Variants in NEDD4 observed in about 807,000 individuals in gnomAD.
NEDD4 encodes the protein E3 ubiquitin-protein ligase NEDD4.
NEDD4 carries 99 observed loss-of-function variants against 144.9 expected under a neutral mutation model. The observed-to-expected ratio is 0.68, with a 90% CI of 0.58 to 0.81. NEDD4 has a LOEUF of 0.81. Among genes scored for constraint, NEDD4 ranks in the 30% least tolerant of loss-of-function variants. NEDD4 has a pLI of 0.00. For synonymous variants in NEDD4, 318 were observed against 350.6 expected (o/e 0.91, Z 1.04); for missense variants, 985 against 1,065.9 (o/e 0.92, Z 1.06).
chr15:55,853,900 A>G (rs1035378912), intron 12 of NEDD4, among the ~76,000 whole-genome samples: 4 of 152,184 alleles, frequency 2.6e-5, no homozygotes, highest in Non-Finnish European at 5.9e-5. Context: ...CTGAGACAGA[A>G]GAACTGCTTG....
At chr15:55,836,481 C>T (rs2033201678) in intron 24 of NEDD4, among the ~76,000 whole-genome samples, 1 of 152,148 alleles carries the variant, frequency 6.6e-6, no homozygotes, top group Admixed American at 6.6e-5. Context: ...ATCCTCCAGC[C>T]TCAGCCTCCC....
intron 1 of NEDD4, among the ~76,000 whole-genome samples, chr15:55,977,185 T>C (rs1158557172): frequency 6.6e-6 from 1 of 152,226 alleles, no homozygotes; most frequent in African/African-American, 2.4e-5. Context: ...TGCAGAATGA[T>C]ATTTTGGCCA....
intron 4 of NEDD4, among the ~76,000 whole-genome samples, chr15:55,931,241 A>G (rs543410426): frequency 7.9e-5 from 12 of 152,224 alleles, no homozygotes; most frequent in African/African-American, 2.9e-4. Flanking sequence ...TTGGAAATCA[A>G]CTTGGAACAT....
chr15:55,948,440 T>C (rs1391751531), intron 4 of NEDD4, among the ~76,000 whole-genome samples: 3 of 152,154 alleles, frequency 2.0e-5, no homozygotes, highest in African/African-American at 4.8e-5. Context: ...CTTCACAGAA[T>C]TGGAAAAAAC....
rs758821192 is a variant in NEDD4 at position 55,828,778 on chromosome 15, A to C, written c.*1119T>G. ...AATTAAAAACATTGTCTTCATAGTA[A>C]ACAGTATTTTAAAAGGCATAAGAAA... is the stretch of plus-strand genomic sequence containing the variant. On this transcript the variant is annotated 3_prime_UTR_variant, in exon 29 of 29. Coordinates refer to ENST00000435532, the MANE Select transcript of NEDD4 (RefSeq NM_006154.4). 2.0e-5 allele frequency: 3 copies of C among 152,644 alleles called. No individual in the cohort carries two copies. The highest frequency in any genetic ancestry group is 6.5e-5 in the Admixed American group (1 of 15,274). The allele number at this position is 152,644 out of a possible 1,614,324, so 9.5% of individuals were successfully genotyped here.
At position 55,852,410 on chromosome 15, in the gene NEDD4, A is replaced by G. The variant is rs780166457; in HGVS notation, c.1146+14T>C. ...AAATCCTGTAAGAAAGCAAGTTGAT[A>G]GATTACAGGATACCTGTACAGTGGG... On this transcript the variant is annotated intron_variant, in intron 13 of 28. Coordinates refer to ENST00000435532, the MANE Select transcript of NEDD4 (RefSeq NM_006154.4). 4 of 1,599,154 alleles carry G rather than the reference A, an allele frequency of 2.5e-6. No individual in the cohort carries two copies. In the African/African-American group the frequency reaches 4.0e-5, roughly 16 times the overall value.
At position 55,869,742 on chromosome 15, in the gene NEDD4, A is replaced by G. The variant is rs1234544363; in HGVS notation, c.405-61T>C. The G allele has an allele frequency of 1.4e-5, 16 of 1,131,570 alleles. No homozygotes were observed. The Admixed American group carries it at 1.4e-4, about 10-fold the overall frequency. The allele number at this position is 1,131,570 out of a possible 1,614,324, so 70.1% of individuals were successfully genotyped here. ...ACACCGGGAGAAAAGTATTCAATTA[A>G]TAAGAGTTTAATGAACACCCACTAG... On this transcript the variant is annotated intron_variant, in intron 7 of 28. Transcript: ENST00000435532.
At chr15:55,905,239 T>C (rs1201065720) in intron 5 of NEDD4, 1 of 455,444 alleles carries the variant, frequency 2.2e-6, no homozygotes, top group Non-Finnish European at 4.4e-6. Context: ...GCAGAACTTA[T>C]ATAAAGGAAT....
intron 5 of NEDD4, among the ~76,000 whole-genome samples, chr15:55,900,789 C>T (rs1031945253): frequency 6.6e-6 from 1 of 152,028 alleles, no homozygotes; most frequent in African/African-American, 2.4e-5. Flanking sequence ...CAACAACTGC[C>T]AACTAAACAT....
intron 17 of NEDD4, among the ~76,000 whole-genome samples, chr15:55,847,380 G>T (rs930190922): frequency 6.6e-6 from 1 of 152,060 alleles, no homozygotes; most frequent in Admixed American, 6.6e-5. Flanking sequence ...CCATTAAAGG[G>T]ACAATGTGAA....
At chr15:55,857,971 C>G (rs2034262042) in intron 11 of NEDD4, among the ~76,000 whole-genome samples, 1 of 152,126 alleles carries the variant, frequency 6.6e-6, no homozygotes, top group Admixed American at 6.6e-5. Flanking sequence ...AATATATATC[C>G]TGCTCATTCT....
intron 4 of NEDD4, among the ~76,000 whole-genome samples, chr15:55,929,514 G>A (rs1383749909): frequency 3.3e-5 from 5 of 152,004 alleles, no homozygotes; most frequent in African/African-American, 1.2e-4. Flanking sequence ...AGGCCGCGGT[G>A]TCTATTGTTC....
chr15:55,949,735 G>C (rs2142297082), intron 4 of NEDD4, among the ~76,000 whole-genome samples: 1 of 152,230 alleles, frequency 6.6e-6, no homozygotes, highest in South Asian at 2.1e-4. Context: ...CTCACTCATA[G>C]GTGGGAATTG....
chr15:55,984,954 C>T (rs1355205851), intron 1 of NEDD4, among the ~76,000 whole-genome samples: 2 of 152,184 alleles, frequency 1.3e-5, no homozygotes, highest in Non-Finnish European at 2.9e-5. Flanking sequence ...CAATTGTGTT[C>T]AACTGGTTCC....
At chr15:55,845,792 TTTTTTC>T (rs1339177703) in intron 18 of NEDD4, among the ~76,000 whole-genome samples, 5 of 73,596 alleles carry the variant, frequency 6.8e-5, no homozygotes, top group South Asian at 1.0e-3. Context: ...TCTTTTTTTC[TTTTTTC>T]TTTTTTTTTT....
intron 1 of NEDD4, among the ~76,000 whole-genome samples, chr15:55,976,006 G>GA (rs577678460): frequency 3.6e-4 from 55 of 152,192 alleles, no homozygotes; most frequent in African/African-American, 1.2e-3. Context: ...TTTTGACAAA[G>GA]GTGCCATGAA....
chr15:55,972,994 G>A (rs757959167), intron 1 of NEDD4, among the ~76,000 whole-genome samples: 3 of 152,190 alleles, frequency 2.0e-5, no homozygotes, highest in Admixed American at 6.5e-5. Context: ...AGCAAATATT[G>A]TTAAAGTCAA....
intron 14 of NEDD4, among the ~76,000 whole-genome samples, chr15:55,849,852 G>C (rs2033908841): frequency 1.3e-5 from 2 of 151,210 alleles, no homozygotes; most frequent in African/African-American, 4.9e-5. Context: ...GAGTGCAGTG[G>C]TGCGATCTTG....
In NEDD4 at chr15:55,842,133, G is replaced by C. The variant is rs778187191; in HGVS notation, c.1639C>G (p.Leu547Val). The C allele has an allele frequency of 6.2e-7, 1 of 1,614,132 alleles. No individual in the cohort carries two copies. Among genetic ancestry groups the C allele is most frequent in the Non-Finnish European group, 8.5e-7 (1 of 1,180,030 alleles). Reference protein sequence around the residue: ...NDIPNKFEMKLRRATVLEDSY... With the variant: ...NDIPNKFEMKVRRATVLEDSY... Reference sequence around the variant, plus strand: ...TCTTCAAGAACAGTTGCTCGGCGAAGTTTCATTTCAAATTTGTTTGGAATG... The same window carrying C: ...TCTTCAAGAACAGTTGCTCGGCGAACTTTCATTTCAAATTTGTTTGGAATG... Residue 547 changes from leucine to valine, a missense_variant, in exon 19 of 29, where the codon CTT becomes GTT. Physicochemically the swap from Leu to Val is conservative, Grantham distance 32 (BLOSUM62 1). Transcript: ENST00000435532.
Sources: allele counts gnomAD v4.1 joint callset (sites outside exome capture counted in the v4.1 genomes callset), GRCh38; gene constraint gnomAD v4.1.1; transcripts MANE v1.5; gene names NCBI Gene and HGNC (gene_info 2026-07-23, HGNC 2026-07-21).